Variants in GDA observed in about 807,000 individuals in gnomAD.
GDA encodes cytoplasmic PSD-95 interactor.
In GDA, 18 loss-of-function variants were observed where a neutral mutation model predicts 59.6. That is an observed-to-expected ratio of 0.30 (90% CI 0.21 to 0.45). GDA has a LOEUF of 0.45. Ranked by LOEUF, GDA falls within the 20% of genes least tolerant of loss-of-function variation. The probability of loss-of-function intolerance (pLI) is 1.00; values close to 1 mark genes in which losing one functional copy is unlikely to be tolerated. For synonymous variants in GDA, 201 were observed against 201.1 expected (o/e 1.00, Z 0.00); for missense variants, 427 against 552.3 (o/e 0.77, Z 2.27).
At chr9:72,127,053 T>G (rs1340504085) in intron 1 of GDA, among the ~76,000 whole-genome samples, 1 of 151,912 alleles carries the variant, frequency 6.6e-6, no homozygotes, top group Non-Finnish European at 1.5e-5. Context: ...TGCTCCAAAC[T>G]TACCATCTAT....
intron 1 of GDA, among the ~76,000 whole-genome samples, chr9:72,135,038 T>C (rs539371661): frequency 9.9e-5 from 15 of 152,228 alleles, no homozygotes; most frequent in Non-Finnish European, 1.9e-4. Flanking sequence ...CAAGGTTCTA[T>C]AGATCAGGGA....
intron 1 of GDA, among the ~76,000 whole-genome samples, chr9:72,117,436 A>G (rs778247647): frequency 1.4e-4 from 22 of 152,192 alleles, no homozygotes; most frequent in South Asian, 4.2e-4. Flanking sequence ...CCATCTCCCA[A>G]TGAAGAGACT....
At chr9:72,225,091 G>A (rs1029258996) in intron 7 of GDA, among the ~76,000 whole-genome samples, 6 of 152,098 alleles carry the variant, frequency 3.9e-5, no homozygotes, top group African/African-American at 9.7e-5. Flanking sequence ...AGACCAGCCT[G>A]GCCAACATGG....
At chr9:72,166,850 C>G (rs12347198) in intron 1 of GDA, among the ~76,000 whole-genome samples, 28,247 of 152,046 alleles carry the variant, frequency 0.19, 2,981 homozygotes, top group African/African-American at 0.3. Context: ...CACCAATTTC[C>G]TTTTTCTCAG....
chr9:72,162,643 G>C (rs1272917423), intron 1 of GDA, among the ~76,000 whole-genome samples: 2 of 149,940 alleles, frequency 1.3e-5, no homozygotes, highest in African/African-American at 5.0e-5. Context: ...GTCAGAGGAA[G>C]ATAGGTCAGA....
At position 72,125,057 on chromosome 9, in the gene GDA, G is replaced by A. The variant is rs73647195; in HGVS notation, c.-100+10224G>A. Among the ~76,000 whole-genome samples, 1,062 of 152,290 alleles carry A rather than the reference G, an allele frequency of 7.0e-3. 10 individuals are homozygous for A. The highest frequency in any genetic ancestry group is 0.024 in the African/African-American group (989 of 41,554). On this transcript the variant is annotated intron_variant, in intron 1 of 13. Transcript: ENST00000545168. ...TGAATCCTGGATGATTTGGGAGAGA[G>A]GACTCAAAGGATTCTTTATTAATGG...
intron 10 of GDA, among the ~76,000 whole-genome samples, chr9:72,237,221 G>A (rs758727253): frequency 2.6e-4 from 39 of 152,068 alleles, no homozygotes; most frequent in Non-Finnish European, 4.9e-4. Flanking sequence ...ACCAACTTCA[G>A]TCTGGATTCT....
Position 72,149,693 on chromosome 9 carries a change from G to C in GDA, c.123+11G>C. ...AGCGACAGCGGCAAAGTAAGCAGGC[G>C]CGGGGTCGAGCGCACTCCGACGGGC... is the stretch of plus-strand genomic sequence containing the variant. On this transcript the variant is annotated intron_variant, in intron 1 of 13. Transcript: ENST00000358399. 1 of 1,592,912 alleles carries C rather than the reference G, an allele frequency of 6.3e-7. No individual in the cohort carries two copies. The highest frequency in any genetic ancestry group is 8.5e-7 in the Non-Finnish European group (1 of 1,171,408).
intron 11 of GDA, among the ~76,000 whole-genome samples, chr9:72,244,539 G>A (rs1353583476): frequency 1.3e-5 from 2 of 152,176 alleles, no homozygotes; most frequent in African/African-American, 4.8e-5. Context: ...CAAAAGCATT[G>A]AGACTTTTGA....
At chr9:72,128,707 G>A (rs1415359177) in intron 1 of GDA, among the ~76,000 whole-genome samples, 1 of 152,208 alleles carries the variant, frequency 6.6e-6, no homozygotes, top group African/African-American at 2.4e-5. Context: ...CAGTAGTCCT[G>A]TGAGACAGGC....
At chr9:72,253,182 A>T (rs1840799617), downstream of GDA, 2 of 152,178 alleles carry the variant, frequency 1.3e-5, no homozygotes. Context: ...CAGCTTACAG[A>T]ACAAGTCTTC....
At chr9:72,219,457 C>A (rs778697586) in intron 5 of GDA, 22 bp from the exon 6 acceptor site, 9 of 1,543,102 alleles carry the variant, frequency 5.8e-6, no homozygotes, top group Non-Finnish European at 8.0e-6. Flanking sequence ...AGTTTTCTAA[C>A]CCATTTGTTG....
At chr9:72,245,306 C>A in intron 12 of GDA, 28 bp downstream of exon 12, 2 of 1,554,624 alleles carry the variant, frequency 1.3e-6, no homozygotes, top group East Asian at 2.2e-5. Context: ...AATCAAAAGG[C>A]ATTTATTTCA....
chr9:72,190,203 C>T (rs1164621557), intron 1 of GDA, among the ~76,000 whole-genome samples: 2 of 152,200 alleles, frequency 1.3e-5, no homozygotes, highest in African/African-American at 4.8e-5. Context: ...TCTTGGCTCA[C>T]TGCAACCTCC....
chr9:72,197,510 G>A (rs1833335311), intron 2 of GDA: 1 of 152,134 alleles, frequency 6.6e-6, no homozygotes, highest in African/African-American at 2.4e-5. Context: ...GAGATGGGAT[G>A]AGAGAATGGT....
downstream of GDA, among the ~76,000 whole-genome samples, chr9:72,258,230 T>C (rs1236668223): frequency 6.6e-6 from 1 of 151,778 alleles, no homozygotes; most frequent in East Asian, 1.9e-4. Flanking sequence ...TGAGGATCAC[T>C]TGGGCCTGAG....
intron 10 of GDA, among the ~76,000 whole-genome samples, chr9:72,236,664 T>A (rs1211739383): frequency 6.6e-6 from 1 of 152,158 alleles, no homozygotes; most frequent in Non-Finnish European, 1.5e-5. Context: ...AACTAATTCC[T>A]TTGGCCATAG....
chr9:72,229,481 T>A (rs1838069545), intron 9 of GDA, among the ~76,000 whole-genome samples: 1 of 152,204 alleles, frequency 6.6e-6, no homozygotes, highest in Non-Finnish European at 1.5e-5. Context: ...TTAATCCTTC[T>A]ATTTAATAGA....
At chr9:72,136,273 G>C (rs924695065) in intron 1 of GDA, among the ~76,000 whole-genome samples, 7 of 152,090 alleles carry the variant, frequency 4.6e-5, no homozygotes, top group Non-Finnish European at 1.0e-4. Context: ...AATTAACAAG[G>C]CTACAGAAAT....
Sources: allele counts gnomAD v4.1 joint callset (sites outside exome capture counted in the v4.1 genomes callset), GRCh38; gene constraint gnomAD v4.1.1; transcripts MANE v1.5; gene names NCBI Gene and HGNC (gene_info 2026-07-23, HGNC 2026-07-21).